RHBDD1: variants seen among roughly 807,000 people sequenced by gnomAD.
RHBDD1 encodes rhomboid-related protein 4.
A neutral mutation model predicts 36.3 loss-of-function variants in RHBDD1; 38 were observed. That is an observed-to-expected ratio of 1.05 (90% CI 0.81 to 1.37). RHBDD1 has a LOEUF of 1.37. RHBDD1 is among the 40% of genes most tolerant of loss of function. The probability of loss-of-function intolerance (pLI) is 0.00; values close to 1 mark genes in which losing one functional copy is unlikely to be tolerated. For synonymous variants in RHBDD1, 151 were observed against 136.5 expected (o/e 1.11, Z -0.74); for missense variants, 393 against 377.6 (o/e 1.04, Z -0.34).
intron 8 of RHBDD1, among the ~76,000 whole-genome samples, chr2:226,980,265 A>G (rs759763202): frequency 6.6e-5 from 10 of 152,188 alleles, no homozygotes; most frequent in Non-Finnish European, 1.2e-4. Context: ...CAAAGCCAGT[A>G]TTCAACCTCA....
At position 226,897,841 on chromosome 2, in the gene RHBDD1, T is replaced by C. The variant is rs915182416; in HGVS notation, c.567-8952T>C. On this transcript the variant is annotated intron_variant, in intron 5 of 8. Coordinates refer to ENST00000392062, the MANE Select transcript of RHBDD1 (RefSeq NM_001167608.3). Reference sequence around the variant, plus strand: ...CAAACAAACAAAAATTAGCTGGGTGTGTTGGCATGCACCTGCAATCTCAGT... The same window carrying C: ...CAAACAAACAAAAATTAGCTGGGTGCGTTGGCATGCACCTGCAATCTCAGT... 6.6e-5 allele frequency among the ~76,000 whole-genome samples: 10 copies of C among 152,164 alleles called. No individual in the cohort carries two copies. In the East Asian group the frequency reaches 1.9e-3, roughly 29 times the overall value.
At chr2:226,949,475 AG>A (rs1951268335) in intron 8 of RHBDD1, among the ~76,000 whole-genome samples, 1 of 152,186 alleles carries the variant, frequency 6.6e-6, no homozygotes, top group Non-Finnish European at 1.5e-5. Context: ...AGGCTGACAT[AG>A]GTCCCATAGC....
chr2:226,912,323 GC>G (rs1032709046), intron 7 of RHBDD1, among the ~76,000 whole-genome samples: 1 of 152,064 alleles, frequency 6.6e-6, no homozygotes. Flanking sequence ...AAACAGAATC[GC>G]CATGTGACGC....
chr2:226,978,895 A>C (rs1352750073), intron 8 of RHBDD1, among the ~76,000 whole-genome samples: 3 of 152,116 alleles, frequency 2.0e-5, no homozygotes, highest in Non-Finnish European at 4.4e-5. Context: ...CTGTGTGGAG[A>C]ATGGCTGGTA....
chr2:226,851,302 C>T (rs941091454), intron 3 of RHBDD1, among the ~76,000 whole-genome samples: 1 of 151,882 alleles, frequency 6.6e-6, no homozygotes, highest in Non-Finnish European at 1.5e-5. Context: ...ACATACCCCC[C>T]CAATGCAGAG....
intron 2 of RHBDD1, among the ~76,000 whole-genome samples, chr2:226,838,544 A>G (rs1043287505): frequency 3.9e-5 from 6 of 152,238 alleles, no homozygotes; most frequent in African/African-American, 1.4e-4. Flanking sequence ...CCATTGAATT[A>G]AATGAAATAA....
At chr2:226,965,589 G>A (rs1357336350) in intron 8 of RHBDD1, among the ~76,000 whole-genome samples, 1 of 152,150 alleles carries the variant, frequency 6.6e-6, no homozygotes, top group Non-Finnish European at 1.5e-5. Flanking sequence ...TTGACAGAAT[G>A]CCTGCAATTG....
intron 3 of RHBDD1, among the ~76,000 whole-genome samples, chr2:226,856,604 G>A (rs73083690): frequency 0.037 from 5,645 of 152,222 alleles, 356 homozygotes; most frequent in African/African-American, 0.13. Flanking sequence ...ATTCCTGAGA[G>A]AGTTACAGGG....
In RHBDD1 at chr2:226,997,287, T is replaced by G. The variant is rs767046289; in HGVS notation, c.*1765T>G. On this transcript the variant is annotated 3_prime_UTR_variant, in exon 9 of 9. Coordinates refer to ENST00000392062, the MANE Select transcript of RHBDD1 (RefSeq NM_001167608.3). ...AAATATTCAAGCTAAATGTTACTGCTCTCTCCCAAATTCTGTAAGTTTGAC... is the reference window on the plus strand; with the variant it reads ...AAATATTCAAGCTAAATGTTACTGCGCTCTCCCAAATTCTGTAAGTTTGAC... 3 of 152,234 alleles carry G rather than the reference T, an allele frequency of 2.0e-5. No homozygotes were observed. The highest frequency in any genetic ancestry group is 2.9e-5 in the Non-Finnish European group (2 of 68,040). 9.4% of individuals were successfully genotyped at this position (152,234 alleles called of 1,614,324 possible). A position where few individuals can be genotyped will look rare whatever the true frequency, so the allele number is the denominator to read the frequency against.
the RHBDD1 span, chr2:226,804,799 T>C: frequency 6.6e-6 from 1 of 152,214 alleles, no homozygotes; most frequent in South Asian, 2.1e-4. Flanking sequence ...ACTTCAGAAA[T>C]TCTACTGATT....
intron 5 of RHBDD1, among the ~76,000 whole-genome samples, chr2:226,892,286 C>A (rs1372460518): frequency 6.6e-6 from 1 of 152,130 alleles, no homozygotes; most frequent in Non-Finnish European, 1.5e-5. Context: ...GTAGATGGGG[C>A]ATGTCTGTTT....
chr2:226,897,506 A>T (rs1947202638), intron 5 of RHBDD1, among the ~76,000 whole-genome samples: 1 of 152,192 alleles, frequency 6.6e-6, no homozygotes, highest in Non-Finnish European at 1.5e-5. Flanking sequence ...TTATAAAGAG[A>T]AGAGGTTTAT....
chr2:226,922,457 T>C lies in RHBDD1; in HGVS notation c.856+8106T>C, dbSNP rs528283862. 1.5e-3 allele frequency among the ~76,000 whole-genome samples: 229 copies of C among 152,194 alleles called. 1 individual carries two copies. The highest frequency in any genetic ancestry group is 4.9e-3 in the African/African-American group (203 of 41,536). ...CTCCTGACCTTGTGATCCGCCCACC[T>C]CGGCCTCCCAAAGGGCTGGGATTAC... On this transcript the variant is annotated intron_variant, in intron 8 of 8. Coordinates refer to ENST00000392062, the MANE Select transcript of RHBDD1 (RefSeq NM_001167608.3).
At chr2:226,963,412 T>C (rs1952371855) in intron 8 of RHBDD1, among the ~76,000 whole-genome samples, 1 of 152,200 alleles carries the variant, frequency 6.6e-6, no homozygotes, top group Admixed American at 6.5e-5. Flanking sequence ...AAGTAGCTTA[T>C]CTAAAACCCC....
At chr2:226,948,085 A>G (rs999873758) in intron 8 of RHBDD1, among the ~76,000 whole-genome samples, 34 of 152,040 alleles carry the variant, frequency 2.2e-4, no homozygotes, top group Non-Finnish European at 4.1e-4. Context: ...CCAAATGACT[A>G]TAAATCATGC....
intron 5 of RHBDD1, among the ~76,000 whole-genome samples, chr2:226,884,251 AT>A (rs1309172041): frequency 1.4e-4 from 22 of 152,148 alleles, no homozygotes; most frequent in African/African-American, 5.3e-4. Context: ...TGGGAGTTAA[AT>A]AGGCATGAGG....
At chr2:226,902,166 C>T (rs1390174952) in intron 5 of RHBDD1, among the ~76,000 whole-genome samples, 2 of 152,188 alleles carry the variant, frequency 1.3e-5, no homozygotes, top group Admixed American at 6.5e-5. Context: ...GCATCTTCCA[C>T]GTGGAGCTAA....
chr2:226,863,051 C>T (rs547932502), intron 3 of RHBDD1, among the ~76,000 whole-genome samples: 17 of 152,266 alleles, frequency 1.1e-4, no homozygotes, highest in Middle Eastern at 3.4e-3. Context: ...TACTGGGGAT[C>T]GGATTTCAAC....
chr2:226,914,787 TC>T (rs1389411440), intron 8 of RHBDD1: 4 of 153,510 alleles, frequency 2.6e-5, no homozygotes, highest in Non-Finnish European at 5.8e-5. Flanking sequence ...AGATTTGACT[TC>T]TGCTGAACCA....
Sources: gnomAD v4.1 joint callset for allele counts (sites outside exome capture counted in the v4.1 genomes callset) on GRCh38, gnomAD v4.1.1 for gene constraint, MANE v1.5 for transcripts, NCBI Gene and HGNC (gene_info 2026-07-23, HGNC 2026-07-21) for gene names.